CHRM3: variants seen among roughly 807,000 people sequenced by gnomAD.
The protein encoded by CHRM3 is muscarinic acetylcholine receptor M3.
Under a neutral mutation model 41.8 loss-of-function variants are expected in CHRM3, and 11 were observed. The ratio of observed to expected loss-of-function variants is 0.26; its 90% confidence interval spans 0.17 to 0.44. The LOEUF (loss-of-function observed/expected upper bound fraction) is 0.44, where lower values mean the gene tolerates loss of function less well. Ranked by LOEUF, CHRM3 falls within the 20% of genes least tolerant of loss-of-function variation. The pLI is 1.00. For synonymous variants in CHRM3, 297 were observed against 301.4 expected (o/e 0.99, Z 0.15); for missense variants, 571 against 745.4 (o/e 0.77, Z 2.72).
intron 2 of CHRM3, among the ~76,000 whole-genome samples, chr1:239,537,140 T>C (rs1658282764): frequency 6.6e-6 from 1 of 152,172 alleles, no homozygotes; most frequent in Admixed American, 6.5e-5. Context: ...AGTCTAGACG[T>C]CTCCTGGACG....
At chr1:239,403,329 G>A (rs1558194051) in intron 1 of CHRM3, among the ~76,000 whole-genome samples, 2 of 152,204 alleles carry the variant, frequency 1.3e-5, no homozygotes, top group South Asian at 4.1e-4. Flanking sequence ...CTTTCATTAA[G>A]TATTTGTTGT....
At chr1:239,861,109 T>C (rs1675603809) in intron 6 of CHRM3, among the ~76,000 whole-genome samples, 1 of 152,206 alleles carries the variant, frequency 6.6e-6, no homozygotes, top group African/African-American at 2.4e-5. Context: ...TCAATTATAT[T>C]CTATTGAGTG....
At chr1:239,648,369 C>T (rs1671926000) in intron 4 of CHRM3, among the ~76,000 whole-genome samples, 1 of 152,210 alleles carries the variant, frequency 6.6e-6, no homozygotes, top group African/African-American at 2.4e-5. Flanking sequence ...ATTGTGCACA[C>T]ATCTTTATCT....
At chr1:239,468,807 C>T (rs1054976290) in intron 1 of CHRM3, among the ~76,000 whole-genome samples, 4 of 152,132 alleles carry the variant, frequency 2.6e-5, no homozygotes, top group South Asian at 2.1e-4. Flanking sequence ...ACTCCAGCAT[C>T]GGCTATGTGG....
intron 4 of CHRM3, among the ~76,000 whole-genome samples, chr1:239,664,337 A>G (rs1673548766): frequency 6.6e-6 from 1 of 152,342 alleles, no homozygotes; most frequent in Admixed American, 6.5e-5. Flanking sequence ...AACAGTGTCA[A>G]AGGCATTGTT....
intron 1 of CHRM3, among the ~76,000 whole-genome samples, chr1:239,452,270 G>T (rs1488778703): frequency 6.6e-6 from 1 of 152,084 alleles, no homozygotes; most frequent in Non-Finnish European, 1.5e-5. Context: ...ATTCTAATTT[G>T]TGTCTATAAA....
intron 2 of CHRM3, among the ~76,000 whole-genome samples, chr1:239,519,982 C>G (rs568532890): frequency 6.6e-6 from 1 of 152,100 alleles, no homozygotes; most frequent in Admixed American, 6.5e-5. Context: ...CTCCTGACCT[C>G]GTGATCTGCT....
intron 1 of CHRM3, among the ~76,000 whole-genome samples, chr1:239,413,524 G>A (rs1208665464): frequency 6.6e-6 from 1 of 152,148 alleles, no homozygotes; most frequent in Non-Finnish European, 1.5e-5. Flanking sequence ...CTGACATCAA[G>A]TGTTCTGACC....
At chr1:239,662,105 ATGTGTGTGTGTGTGTGTGTGTGTGTG>A (rs57202092) in intron 4 of CHRM3, among the ~76,000 whole-genome samples, 1 of 144,742 alleles carries the variant, frequency 6.9e-6, no homozygotes, top group East Asian at 2.1e-4. Flanking sequence ...TCAGTTTTAG[ATGTGTGTGTGTGTGTGTGTGTGTGTG>A]TGTGTGTGTG....
chr1:239,576,788 T>TAA (rs529490070), intron 3 of CHRM3, among the ~76,000 whole-genome samples: 89 of 133,526 alleles, frequency 6.7e-4, no homozygotes, highest in Admixed American at 1.5e-3. Flanking sequence ...AGACCCTATC[T>TAA]AAAAAAAAAA....
chr1:239,789,763 C>T (rs572533829), intron 5 of CHRM3, among the ~76,000 whole-genome samples: 8 of 152,318 alleles, frequency 5.3e-5, no homozygotes, highest in African/African-American at 1.9e-4. Context: ...GGCCCCACCT[C>T]CAACACTGGG....
chr1:239,429,461 C>T (rs759968330), intron 1 of CHRM3, among the ~76,000 whole-genome samples: 6 of 152,044 alleles, frequency 3.9e-5, no homozygotes, highest in Admixed American at 1.3e-4. Flanking sequence ...TACTATAATT[C>T]TGTACTTCAA....
intron 1 of CHRM3, among the ~76,000 whole-genome samples, chr1:239,416,612 A>C (rs1456451372): frequency 1.3e-4 from 20 of 152,182 alleles, no homozygotes. Context: ...TTCAAGAACC[A>C]CTAATGTTTA....
At chr1:239,834,148 T>TCACACACA (rs34990180) in intron 6 of CHRM3, among the ~76,000 whole-genome samples, 14,142 of 135,110 alleles carry the variant, frequency 0.1, 917 homozygotes, top group Admixed American at 0.22. Flanking sequence ...TAATTCCACA[T>TCACACACA]CACACACACA....
chr1:239,679,783 A>G (rs892193192), intron 5 of CHRM3, among the ~76,000 whole-genome samples: 1 of 152,120 alleles, frequency 6.6e-6, no homozygotes. Context: ...GCCAAATCAA[A>G]AAATCAGGAC....
At chr1:239,543,298 C>A (rs1277055700) in intron 2 of CHRM3, among the ~76,000 whole-genome samples, 1 of 152,098 alleles carries the variant, frequency 6.6e-6, no homozygotes, top group African/African-American at 2.4e-5. Context: ...GCTTGTGCCT[C>A]CTACAGGGAA....
chr1:239,828,595 G>A (rs1236285537), intron 6 of CHRM3, among the ~76,000 whole-genome samples: 1 of 152,146 alleles, frequency 6.6e-6, no homozygotes, highest in African/African-American at 2.4e-5. Context: ...GAAGACAAAC[G>A]AGGAGGTGCA....
At chr1:239,859,855 A>T (rs1324332213) in intron 6 of CHRM3, among the ~76,000 whole-genome samples, 1 of 148,068 alleles carries the variant, frequency 6.8e-6, no homozygotes, top group Non-Finnish European at 1.5e-5. Flanking sequence ...ATATATAGTC[A>T]TTTAATCTCA....
At chr1:239,646,083 C>A (rs979669618) in intron 4 of CHRM3, among the ~76,000 whole-genome samples, 1 of 152,064 alleles carries the variant, frequency 6.6e-6, no homozygotes, top group African/African-American at 2.4e-5. Context: ...AAAGAACTTA[C>A]AATTTGATCA....
Sources: allele counts gnomAD v4.1 joint callset (sites outside exome capture counted in the v4.1 genomes callset), GRCh38; gene constraint gnomAD v4.1.1; transcripts MANE v1.5; gene names NCBI Gene and HGNC (gene_info 2026-07-23, HGNC 2026-07-21).